The following KIF26B variants were observed in gnomAD, a reference collection of about 807,000 sequenced individuals.
The protein encoded by KIF26B is kinesin family member 26B, also known as kinesin-like protein KIF26B.
In KIF26B, 63 loss-of-function variants were observed where a neutral mutation model predicts 151.2. The observed-to-expected ratio is 0.42, with a 90% CI of 0.34 to 0.51. The LOEUF is 0.51. Ranked by LOEUF, KIF26B falls within the 20% of genes least tolerant of loss-of-function variation. The probability of loss-of-function intolerance (pLI) is 0.07; values close to 1 mark genes in which losing one functional copy is unlikely to be tolerated. For missense variants in KIF26B, 2,813 were observed against 2,913.6 expected (o/e 0.97, Z 0.79); for synonymous variants, 1,357 against 1,262.1 (o/e 1.08, Z -1.59).
intron 9 of KIF26B, among the ~76,000 whole-genome samples, chr1:245,632,329 C>T (rs1423241862): frequency 1.3e-5 from 2 of 152,052 alleles, no homozygotes; most frequent in Non-Finnish European, 2.9e-5. Context: ...TTTATTTGTA[C>T]AGTTTCTAAA....
intron 10 of KIF26B, among the ~76,000 whole-genome samples, chr1:245,680,312 G>A (rs951895473): frequency 1.3e-5 from 2 of 152,142 alleles, no homozygotes; most frequent in African/African-American, 2.4e-5. Flanking sequence ...GTCCGCAGAG[G>A]CCCACATGAA....
intron 4 of KIF26B, among the ~76,000 whole-genome samples, chr1:245,436,621 T>A (rs1658939086): frequency 6.6e-6 from 1 of 152,114 alleles, no homozygotes; most frequent in Non-Finnish European, 1.5e-5. Flanking sequence ...CCCACATGAA[T>A]GGAGGGTAAT....
rs534607097 is a variant in KIF26B at position 245,261,733 on chromosome 1, G to A, written c.465+105050G>A. Among the ~76,000 whole-genome samples, 11 of 151,966 alleles carry A rather than the reference G, an allele frequency of 7.2e-5. No individual in the cohort carries two copies. The South Asian group carries it at 8.3e-4, about 11-fold the overall frequency. ...TCTATAGCTAGGACTACAGGCATGCGCCACCATGCCTGGCTAGTTTTTGTA... is the reference window on the plus strand; with the variant it reads ...TCTATAGCTAGGACTACAGGCATGCACCACCATGCCTGGCTAGTTTTTGTA... On this transcript the variant is annotated intron_variant, in intron 2 of 14. Transcript: ENST00000407071.
At position 245,495,520 on chromosome 1, in the gene KIF26B, T is replaced by C. The variant is rs1292692282; in HGVS notation, c.1167-45247T>C. 6.6e-6 allele frequency among the ~76,000 whole-genome samples: 1 copy of C among 152,184 alleles called. No homozygotes were observed. Among genetic ancestry groups the C allele is most frequent in the East Asian group, 1.9e-4 (1 of 5,204 alleles). On this transcript the variant is annotated intron_variant, in intron 4 of 14. Transcript: ENST00000407071. This position sits in a 1 kb window ranked among gnomAD's most constrained non-coding sequence, Gnocchi z 4.2. ...ATTGAAAATCTTTTCTTCTAGCTTT[T>C]TGAAAACATACAATAAATCATCATT...
chr1:245,170,320 T>C lies in KIF26B; in HGVS notation c.465+13637T>C, dbSNP rs1573685469. Among the ~76,000 whole-genome samples the C allele has an allele frequency of 1.3e-5, 2 of 152,198 alleles. No homozygotes were observed. Among genetic ancestry groups the C allele is most frequent in the South Asian group, 2.1e-4 (1 of 4,832 alleles). On this transcript the variant is annotated intron_variant, in intron 2 of 14. Coordinates refer to ENST00000407071, the MANE Select transcript of KIF26B (RefSeq NM_018012.4). The surrounding 1 kb of genome is among the most constrained non-coding windows in gnomAD (Gnocchi z 4.4). ...TCGGCTGGTTTGAGGGTCCTTGCAT[T>C]TCTTGTCAGTCAATACGTCCTTGTT...
chr1:245,390,937 A>C (rs796170201), intron 3 of KIF26B, among the ~76,000 whole-genome samples: 12 of 143,212 alleles, frequency 8.4e-5, no homozygotes, highest in South Asian at 6.6e-4. Context: ...AAAAAAAAAA[A>C]AAAAAAAAAA....
chr1:245,605,335 C>G (rs574242998), intron 6 of KIF26B, among the ~76,000 whole-genome samples: 316 of 152,308 alleles, frequency 2.1e-3, no homozygotes, highest in African/African-American at 7.2e-3. Flanking sequence ...CCCCTGGAGC[C>G]CCCAAGCCTG....
chr1:245,219,948 T>C (rs1300499220), intron 2 of KIF26B, among the ~76,000 whole-genome samples: 1 of 152,128 alleles, frequency 6.6e-6, no homozygotes, highest in Non-Finnish European at 1.5e-5. Context: ...AAATTCCACC[T>C]TATTTGACTT....
chr1:245,532,362 C>T (rs1265985383), intron 4 of KIF26B, among the ~76,000 whole-genome samples: 2 of 150,970 alleles, frequency 1.3e-5, no homozygotes, highest in Non-Finnish European at 2.9e-5. Context: ...TCTCCTGCCT[C>T]AGCCTCCCGA....
At chr1:245,664,983 A>G (rs2044198137) in intron 10 of KIF26B, among the ~76,000 whole-genome samples, 1 of 152,254 alleles carries the variant, frequency 6.6e-6, no homozygotes, top group Non-Finnish European at 1.5e-5. Context: ...TTGTTTAAAA[A>G]TAAGTGTGAA....
chr1:245,408,268 C>A (rs1052862499), intron 3 of KIF26B, among the ~76,000 whole-genome samples: 1 of 151,468 alleles, frequency 6.6e-6, no homozygotes, highest in Non-Finnish European at 1.5e-5. Context: ...TCACAAAACA[C>A]GGGATAGAGA....
chr1:245,536,136 C>T (rs1258587654), intron 4 of KIF26B, among the ~76,000 whole-genome samples: 1 of 152,108 alleles, frequency 6.6e-6, no homozygotes, highest in Non-Finnish European at 1.5e-5. Flanking sequence ...GATTTAACTG[C>T]CTTGAGCTTC....
intron 4 of KIF26B, among the ~76,000 whole-genome samples, chr1:245,464,547 G>A (rs1323093489): frequency 6.7e-6 from 1 of 149,700 alleles, no homozygotes; most frequent in Non-Finnish European, 1.5e-5. Context: ...GGGTGTGCGT[G>A]GGTGTGTTCC....
At chr1:245,249,795 G>A (rs1257848307) in intron 2 of KIF26B, among the ~76,000 whole-genome samples, 1 of 152,022 alleles carries the variant, frequency 6.6e-6, no homozygotes, top group African/African-American at 2.4e-5. Flanking sequence ...AATTTATTTT[G>A]GATACTGAAT....
In KIF26B at chr1:245,686,224, C is replaced by G. The variant is rs758747421; in HGVS notation, c.3241C>G (p.Pro1081Ala). The G allele has an allele frequency of 1.2e-6, 2 of 1,612,706 alleles. No homozygotes were observed. The highest frequency in any genetic ancestry group is 1.1e-5 in the South Asian group (1 of 91,078). Residue 1081 changes from proline (P) to alanine (A), a missense_variant, in exon 12 of 15, where the codon CCA (proline) becomes GCA (alanine). This residue lies in a region of KIF26B where 2,060 missense variants were observed against 2,088.6 expected (regional missense o/e 0.99). Coordinates refer to ENST00000407071, the MANE Select transcript of KIF26B (RefSeq NM_018012.4). The surrounding 1 kb of genome is among the most constrained non-coding windows in gnomAD (Gnocchi z 5.6). ...CCTGTCCAAGACCTCGGAGTACAAGCCACCCAGCTCTCCTTCCCAGAGATG... is the reference window on the plus strand; with the variant it reads ...CCTGTCCAAGACCTCGGAGTACAAGGCACCCAGCTCTCCTTCCCAGAGATG... ...ASLSKTSEYK[P>A]PSSPSQRCKV...
chr1:245,534,877 G>T (rs1661455367), intron 4 of KIF26B, among the ~76,000 whole-genome samples: 1 of 151,404 alleles, frequency 6.6e-6, no homozygotes, highest in Non-Finnish European at 1.5e-5. Context: ...CTACCTCCCA[G>T]GTTCAAGCGA....
intron 2 of KIF26B, among the ~76,000 whole-genome samples, chr1:245,195,603 G>GTGTT (rs1301746545): frequency 1.3e-5 from 2 of 152,162 alleles, no homozygotes; most frequent in African/African-American, 4.8e-5. Flanking sequence ...AGCAACAGCT[G>GTGTT]GCTCTTCTTT....
chr1:245,248,965 C>T (rs796569804), intron 2 of KIF26B, among the ~76,000 whole-genome samples: 4 of 147,896 alleles, frequency 2.7e-5, no homozygotes, highest in African/African-American at 1.0e-4. Context: ...CTGCAGGTTG[C>T]CTTTTTAGAG....
At chr1:245,671,020 T>C (rs1416378268) in intron 10 of KIF26B, among the ~76,000 whole-genome samples, 1 of 152,186 alleles carries the variant, frequency 6.6e-6, no homozygotes, top group African/African-American at 2.4e-5. Flanking sequence ...CAGCCTCTGG[T>C]AACCATCCTT....
Sources: allele counts gnomAD v4.1 joint callset (sites outside exome capture counted in the v4.1 genomes callset), GRCh38; gene constraint gnomAD v4.1.1; regional missense constraint gnomAD v4.1.1; non-coding constraint Gnocchi (gnomAD v3.1); transcripts MANE v1.5; gene names NCBI Gene and HGNC (gene_info 2026-07-23, HGNC 2026-07-21).